KCNIP4: variants seen among roughly 807,000 people sequenced by gnomAD.
KCNIP4 encodes the protein potassium voltage-gated channel interacting protein 4.
A neutral mutation model predicts 34.0 loss-of-function variants in KCNIP4; 12 were observed. The ratio of observed to expected loss-of-function variants is 0.35; its 90% CI spans 0.23 to 0.57. KCNIP4 has a LOEUF of 0.57. Among genes scored for constraint, KCNIP4 ranks in the 20% least tolerant of loss-of-function variants. KCNIP4 has a pLI of 0.83. For synonymous variants in KCNIP4, 124 were observed against 102.2 expected, an observed-to-expected ratio of 1.21 and a Z score of -1.29; for missense variants, 238 against 311.7, an observed-to-expected ratio of 0.76 and a Z score of 1.78.
rs73802599 is a variant in KCNIP4 at position 21,381,934 on chromosome 4, T to A, written c.62-499225A>T. 8.7e-3 allele frequency among the ~76,000 whole-genome samples: 1,319 copies of A among 152,198 alleles called. 29 individuals carry two copies. Among genetic ancestry groups the A allele is most frequent in the African/African-American group, 0.03 (1,241 of 41,530 alleles). ...TGGAGTCATATATTAGTCAAACACATGCATATTTAAGTAAATCATTGAAAG... is the reference window on the plus strand; with the variant it reads ...TGGAGTCATATATTAGTCAAACACAAGCATATTTAAGTAAATCATTGAAAG... On this transcript the variant is annotated intron_variant, in intron 1 of 8. Coordinates refer to ENST00000382152, the MANE Select transcript of KCNIP4 (RefSeq NM_025221.6).
At chr4:21,147,962 A>AAAAAAAAAAAAAAAAAAAAAAAG (rs1553945858) in intron 1 of KCNIP4, among the ~76,000 whole-genome samples, 9 of 123,924 alleles carry the variant, frequency 7.3e-5, no homozygotes, top group Non-Finnish European at 1.0e-4. Flanking sequence ...AAAAAAAAAG[A>AAAAAAAAAAAAAAAAAAAAAAAG]AAAAAAGTTC....
chr4:21,562,184 A>C (rs1405816461), intron 1 of KCNIP4, among the ~76,000 whole-genome samples: 3 of 150,822 alleles, frequency 2.0e-5, no homozygotes, highest in African/African-American at 7.3e-5. Flanking sequence ...TGAAAGAGTC[A>C]TTTTTGAATA....
intron 1 of KCNIP4, among the ~76,000 whole-genome samples, chr4:21,233,082 C>T (rs77711009): frequency 9.2e-5 from 14 of 152,234 alleles, no homozygotes; most frequent in South Asian, 2.1e-4. Flanking sequence ...AGCAGGAAAA[C>T]GGGTCACTTG....
intron 1 of KCNIP4, among the ~76,000 whole-genome samples, chr4:21,235,725 G>C (rs1311441783): frequency 6.6e-6 from 1 of 152,134 alleles, no homozygotes; most frequent in South Asian, 2.1e-4. Context: ...GGATTTCTTT[G>C]GCTTAACAAT....
intron 4 of KCNIP4, among the ~76,000 whole-genome samples, chr4:20,757,880 T>C (rs1467341109): frequency 6.6e-6 from 1 of 152,192 alleles, no homozygotes; most frequent in African/African-American, 2.4e-5. Context: ...GTTCAACTCA[T>C]CTGGAGAGTC....
intron 1 of KCNIP4, among the ~76,000 whole-genome samples, chr4:21,519,455 C>T (rs9759750): frequency 0.022 from 1,397 of 63,628 alleles, 75 homozygotes; most frequent in Non-Finnish European, 0.027. Context: ...TGTGTATATA[C>T]ACATATGTGT....
chr4:20,827,245 C>A (rs1578714000), intron 3 of KCNIP4, among the ~76,000 whole-genome samples: 1 of 152,148 alleles, frequency 6.6e-6, no homozygotes, highest in African/African-American at 2.4e-5. Flanking sequence ...ACTGCCATGA[C>A]AAAATACCAC....
intron 1 of KCNIP4, among the ~76,000 whole-genome samples, chr4:21,180,981 C>T (rs1302028588): frequency 2.0e-5 from 3 of 152,076 alleles, no homozygotes; most frequent in Admixed American, 2.0e-4. Context: ...CAGAATATGA[C>T]TTCTCCCAAC....
intron 1 of KCNIP4, among the ~76,000 whole-genome samples, chr4:21,419,325 C>T (rs1725243236): frequency 6.6e-6 from 1 of 152,048 alleles, no homozygotes; most frequent in Non-Finnish European, 1.5e-5. Context: ...ATATTCCTAA[C>T]TTTCATTATG....
chr4:21,086,681 TCTC>T (rs1746459961), intron 1 of KCNIP4, among the ~76,000 whole-genome samples: 2 of 152,130 alleles, frequency 1.3e-5, no homozygotes, highest in Admixed American at 1.3e-4. Flanking sequence ...AGGTGGTTCT[TCTC>T]CTAGCCAAGA....
At chr4:21,607,166 C>G (rs1186698358) in intron 1 of KCNIP4, among the ~76,000 whole-genome samples, 1 of 152,002 alleles carries the variant, frequency 6.6e-6, no homozygotes, top group African/African-American at 2.4e-5. Flanking sequence ...TGTCTAGATT[C>G]AATCCCAATG....
At chr4:21,784,936 T>C (rs547734409) in intron 1 of KCNIP4, among the ~76,000 whole-genome samples, 2 of 152,340 alleles carry the variant, frequency 1.3e-5, no homozygotes, top group Non-Finnish European at 2.9e-5. Context: ...GCAAACAGTC[T>C]TTTAAGCTAA....
chr4:20,819,485 A>T (rs893009803), intron 3 of KCNIP4, among the ~76,000 whole-genome samples: 1 of 152,104 alleles, frequency 6.6e-6, no homozygotes, highest in African/African-American at 2.4e-5. Context: ...GGGATTTCGG[A>T]GCTATCTGAG....
At chr4:21,891,512 A>G (rs1349129221) in intron 1 of KCNIP4, among the ~76,000 whole-genome samples, 2 of 152,068 alleles carry the variant, frequency 1.3e-5, no homozygotes, top group Non-Finnish European at 2.9e-5. Context: ...ACATATGGGC[A>G]CACCCTCTCT....
intron 1 of KCNIP4, among the ~76,000 whole-genome samples, chr4:21,451,749 G>A (rs1478331695): frequency 6.6e-6 from 1 of 152,046 alleles, no homozygotes; most frequent in Non-Finnish European, 1.5e-5. Flanking sequence ...CTACCTTAAG[G>A]TGGTGTCTGT....
chr4:21,157,947 A>G (rs1243720200), intron 1 of KCNIP4, among the ~76,000 whole-genome samples: 2 of 152,152 alleles, frequency 1.3e-5, no homozygotes, highest in Non-Finnish European at 2.9e-5. Flanking sequence ...GCTAATCAGA[A>G]AAAAAGAGAG....
At chr4:21,460,251 C>T (rs1458827722) in intron 1 of KCNIP4, among the ~76,000 whole-genome samples, 1 of 151,988 alleles carries the variant, frequency 6.6e-6, no homozygotes, top group African/African-American at 2.4e-5. Flanking sequence ...CAATCCCTTA[C>T]CCATCCCATA....
chr4:20,754,659 A>G (rs1040380573), intron 4 of KCNIP4, among the ~76,000 whole-genome samples: 1 of 152,256 alleles, frequency 6.6e-6, no homozygotes, highest in African/African-American at 2.4e-5. Context: ...TAACATGAAT[A>G]ATGAAATAAT....
intron 1 of KCNIP4, among the ~76,000 whole-genome samples, chr4:21,196,978 T>G (rs2109363159): frequency 6.6e-6 from 1 of 152,320 alleles, no homozygotes; most frequent in Admixed American, 6.5e-5. Context: ...TGGGTAAATA[T>G]TATGCTGATA....
Sources: allele counts gnomAD v4.1 joint callset (sites outside exome capture counted in the v4.1 genomes callset), GRCh38; gene constraint gnomAD v4.1.1; transcripts MANE v1.5; gene names NCBI Gene and HGNC (gene_info 2026-07-23, HGNC 2026-07-21).